Variants in CDC34 observed in about 807,000 individuals in gnomAD.
CDC34 encodes the protein cell division cycle 34, ubiquitin conjugating enzyme.
In CDC34, 18 loss-of-function variants were observed where a neutral mutation model predicts 26.8. The ratio of observed to expected loss-of-function variants is 0.67; its 90% CI spans 0.47 to 1.00. The LOEUF (loss-of-function observed/expected upper bound fraction) is 1.00. Ranked by LOEUF, CDC34 falls within the 50% of genes least tolerant of loss-of-function variation. The pLI, the probability that CDC34 is intolerant of heterozygous loss-of-function variation, is 0.00. For synonymous variants in CDC34, 178 were observed against 147.5 expected (o/e 1.21, Z -1.50); for missense variants, 280 against 334.5 (o/e 0.84, Z 1.27).
chr19:535,034 A>G (rs1742861960), intron 1 of CDC34, among the ~76,000 whole-genome samples: 1 of 152,218 alleles, frequency 6.6e-6, no homozygotes, highest in African/African-American at 2.4e-5. Context: ...CCAGCAGGAA[A>G]ACAGTGAGGC....
chr19:541,542 AGGAGTCCT>A lies in CDC34; in HGVS notation c.703_710del (p.Glu235ThrfsTer5), dbSNP rs1980019280. On this transcript the variant is annotated frameshift_variant and stop_lost, in exon 5 of 5. Coordinates refer to ENST00000215574, the MANE Select transcript of CDC34 (RefSeq NM_004359.2). LOFTEE classifies it high-confidence loss of function. ...GACGATGAGGATGACTCTGGCACGG[AGGAGTCCT>A]GACACCACCAGAATAAACTTGCCGA... The A allele has an allele frequency of 7.5e-6, 12 of 1,590,520 alleles. No individual in the cohort carries two copies. Among genetic ancestry groups the A allele is most frequent in the Non-Finnish European group, 1.0e-5 (12 of 1,166,330 alleles).
intron 3 of CDC34, 92 bp downstream of exon 3, chr19:536,432 C>A (rs1390711045): frequency 3.1e-5 from 32 of 1,037,406 alleles, no homozygotes; most frequent in Non-Finnish European, 4.2e-5. Flanking sequence ...AGGCCGGGCT[C>A]CCCCACAGGC....
chr19:532,911 T>C (rs1056980361), intron 1 of CDC34, among the ~76,000 whole-genome samples: 10 of 152,184 alleles, frequency 6.6e-5, no homozygotes, highest in Admixed American at 6.5e-4. Flanking sequence ...TCCCAGCTGG[T>C]CTTGGCCTTT....
intron 3 of CDC34, chr19:536,664 G>A (rs961599809): frequency 2.2e-5 from 12 of 535,096 alleles, no homozygotes; most frequent in African/African-American, 5.7e-5. Flanking sequence ...TGGTCACCTC[G>A]TGCCACGTGT....
intron 3 of CDC34, 103 bp downstream of exon 3, chr19:536,443 T>C: frequency 1.1e-6 from 1 of 870,008 alleles, no homozygotes; most frequent in Non-Finnish European, 1.8e-6. Context: ...CCCCACAGGC[T>C]GTGGCGCCAA....
At chr19:536,379 A>G in intron 3 of CDC34, 39 bp downstream of exon 3, 2 of 1,484,542 alleles carry the variant, frequency 1.3e-6, no homozygotes, top group South Asian at 1.2e-5. Context: ...CCAGAACATC[A>G]GGTAGGCCGG....
Position 541,452 on chromosome 19 carries a change from A to G in CDC34, c.611A>G (p.Asp204Gly). ...GCGCCGGCGCCCGACGAGGGCTCAG[A>G]CCTCTTCTACGACGACTACTACGAG... The part of the protein sequence containing the change: ...TKAPAPDEGS[D>G]LFYDDYYEDG... Residue 204 changes from aspartate (D) to glycine (G), a missense_variant, in exon 5 of 5, where the codon GAC becomes GGC. Asp to Gly is a moderately conservative substitution (Grantham distance 94). Coordinates refer to ENST00000215574, the MANE Select transcript of CDC34 (RefSeq NM_004359.2). 1 of 1,612,728 alleles carries G rather than the reference A, an allele frequency of 6.2e-7. No individual in the cohort carries two copies. The highest frequency in any genetic ancestry group is 2.2e-5 in the East Asian group (1 of 44,844).
Position 535,857 on chromosome 19 carries a change from C to G in CDC34, c.198C>G (p.Ile66Met), listed in dbSNP as rs773303974. Reference protein sequence around the residue: ...GYFKARLKFPIDYPYSPPAFR... With the variant: ...GYFKARLKFPMDYPYSPPAFR... ...TGCAGGCGCGCCTCAAGTTCCCCAT[C>G]GACTACCCATACTCTCCACCAGCCT... is the stretch of plus-strand genomic sequence containing the variant. Residue 66 changes from isoleucine (I) to methionine (M), a missense_variant, in exon 2 of 5, where the codon ATC (isoleucine) becomes ATG (methionine). By Grantham distance (10) the Ile-to-Met change is conservative (BLOSUM62 1). Coordinates refer to ENST00000215574, the MANE Select transcript of CDC34 (RefSeq NM_004359.2). The G allele has an allele frequency of 6.2e-7, 1 of 1,613,862 alleles. No individual in the cohort carries two copies. The highest frequency in any genetic ancestry group is 8.5e-7 in the Non-Finnish European group (1 of 1,179,964).
At chr19:538,890 A>T (rs1462842571) in intron 4 of CDC34, 12 of 984,876 alleles carry the variant, frequency 1.2e-5, no homozygotes, top group Non-Finnish European at 1.4e-5. Flanking sequence ...TCTGGTGCAG[A>T]TGTCCTCGGT....
Position 537,086 on chromosome 19 carries a change from G to A in CDC34, c.436G>A (p.Val146Met), listed in dbSNP as rs1412183232. The A allele has an allele frequency of 2.5e-6, 4 of 1,613,852 alleles. No homozygotes were observed. The highest frequency in any genetic ancestry group is 2.7e-5 in the African/African-American group (2 of 75,056). Residue 146 changes from valine to methionine, a missense_variant, in exon 4 of 5, where the codon GTG becomes ATG. Coordinates refer to ENST00000215574, the MANE Select transcript of CDC34 (RefSeq NM_004359.2). ...TFSPANVDAS[V>M]MYRKWKESKG... ...CTCGCCCGCAAACGTGGACGCCTCCGTGATGTACAGGAAGTGGAAAGAGAG... is the reference window on the plus strand; with the variant it reads ...CTCGCCCGCAAACGTGGACGCCTCCATGATGTACAGGAAGTGGAAAGAGAG...
chr19:537,413 C>T (rs1233263226), intron 4 of CDC34, among the ~76,000 whole-genome samples: 5 of 151,962 alleles, frequency 3.3e-5, no homozygotes, highest in Admixed American at 6.6e-5. Context: ...AGTGCAGTGG[C>T]GCGATCTCGG....
At position 541,654 on chromosome 19, in the gene CDC34, C is replaced by A; in HGVS notation, c.*102C>A. The stretch of plus-strand genomic sequence containing the variant: ...GGAGGTTTTGTGCTGGTCCCCGTCT[C>A]CTCTGGTTGTTTCGTTTTGGCTTTT... On this transcript the variant is annotated 3_prime_UTR_variant, in exon 5 of 5. Coordinates refer to ENST00000215574, the MANE Select transcript of CDC34 (RefSeq NM_004359.2). 1 of 1,332,148 alleles carries A rather than the reference C, an allele frequency of 7.5e-7. No homozygotes were observed. Among genetic ancestry groups the A allele is most frequent in the Non-Finnish European group, 1.0e-6 (1 of 998,076 alleles). The allele number at this position is 1,332,148 out of a possible 1,614,324, so 82.5% of individuals were successfully genotyped here.
At chr19:536,946 G>C (rs1449395125) in intron 3 of CDC34, 67 bp from the exon 4 acceptor site, 4 of 1,601,750 alleles carry the variant, frequency 2.5e-6, no homozygotes, top group Non-Finnish European at 3.4e-6. Context: ...GTGACCCTCA[G>C]GGCCAGAGAA....
intron 4 of CDC34, among the ~76,000 whole-genome samples, chr19:539,961 G>C (rs1007455318): frequency 2.2e-4 from 33 of 151,154 alleles, no homozygotes; most frequent in Middle Eastern, 3.4e-3. Context: ...GGCTGGGATG[G>C]CCAGGCCCCC....
intron 1 of CDC34, 30 bp from the exon 2 acceptor site, chr19:535,807 G>C (rs1372779200): frequency 1.3e-6 from 2 of 1,579,792 alleles, no homozygotes; most frequent in South Asian, 2.2e-5. Flanking sequence ...GGCTGGGCTG[G>C]ACTGAGCCAC....
chr19:537,168 C>A, intron 4 of CDC34, 21 bp downstream of exon 4: 1 of 1,611,232 alleles, frequency 6.2e-7, no homozygotes, highest in South Asian at 1.1e-5. Flanking sequence ...GCGGGGGCGT[C>A]ACGGGAGGAG....
chr19:534,973 A>AG (rs1979672861), intron 1 of CDC34, among the ~76,000 whole-genome samples: 1 of 152,144 alleles, frequency 6.6e-6, no homozygotes, highest in African/African-American at 2.4e-5. Context: ...TGGAGTGCTG[A>AG]GTGCCACCAG....
intron 1 of CDC34, among the ~76,000 whole-genome samples, chr19:532,929 T>C (rs1437644095): frequency 1.3e-5 from 2 of 152,132 alleles, no homozygotes; most frequent in Admixed American, 1.3e-4. Flanking sequence ...TTTCTCAGAG[T>C]CCACTGAACA....
intron 4 of CDC34, among the ~76,000 whole-genome samples, chr19:537,714 G>A (rs954838140): frequency 2.9e-5 from 4 of 139,910 alleles, no homozygotes; most frequent in Admixed American, 8.0e-5. Flanking sequence ...GCAGTGCAGT[G>A]GTGCGATCTC....
Sources: gnomAD v4.1 joint callset for allele counts (sites outside exome capture counted in the v4.1 genomes callset) on GRCh38, gnomAD v4.1.1 for gene constraint, MANE v1.5 for transcripts, NCBI Gene and HGNC (gene_info 2026-07-23, HGNC 2026-07-21) for gene names.